The following ANK1 variants were observed in gnomAD, a reference collection of about 807,000 sequenced individuals.
ANK1 encodes ankyrin-1.
ANK1 carries 51 observed loss-of-function variants against 210.4 expected under a neutral mutation model. The observed-to-expected ratio is 0.24, with a 90% CI of 0.19 to 0.31. ANK1 has a LOEUF of 0.31. ANK1 is among the 10% of genes least tolerant of loss of function. The probability of loss-of-function intolerance (pLI) is 1.00; values close to 1 mark genes in which losing one functional copy is unlikely to be tolerated. For missense variants in ANK1, 2,051 were observed against 2,504.4 expected (o/e 0.82, Z 3.86); for synonymous variants, 967 against 1,025.9 (o/e 0.94, Z 1.10).
intron 5 of ANK1, among the ~76,000 whole-genome samples, chr8:41,727,030 G>A (rs1382541729): frequency 6.6e-6 from 1 of 152,202 alleles, no homozygotes; most frequent in Non-Finnish European, 1.5e-5. Flanking sequence ...CAAGTGTGAC[G>A]TCGTTTCTTT....
rs761484945 is a variant in ANK1 at position 41,715,809 on chromosome 8, T to G, written c.1445A>C (p.His482Pro). The change falls in exon 14 of 43, where the codon CAC (histidine) becomes CCC (proline). Residue 482 changes from histidine to proline, a missense_variant. By Grantham distance (77) the His-to-Pro change is moderately conservative. Around this residue, in one of 6 missense-constraint regions of ANK1, gnomAD observed 1,413 missense variants for 1,707.4 expected, o/e 0.83. Coordinates refer to ENST00000289734, the MANE Select transcript of ANK1 (RefSeq NM_000037.4). ...TPLHCAARIG[H>P]TNMVKLLLEN... ...CAGCAGGAGCTTCACCATGTTTGTG[T>G]GGCCGATGCGAGCTGCACAGTGAAG... 2 of 1,614,198 alleles carry G rather than the reference T, an allele frequency of 1.2e-6. No homozygotes were observed. Among genetic ancestry groups the G allele is most frequent in the Admixed American group, 3.3e-5 (2 of 60,028 alleles).
intron 5 of ANK1, among the ~76,000 whole-genome samples, chr8:41,727,018 C>A (rs775086569): frequency 2.0e-5 from 3 of 152,246 alleles, no homozygotes; most frequent in Non-Finnish European, 2.9e-5. Context: ...GAAGGACACC[C>A]TCAAGTGTGA....
intron 17 of ANK1, 136 bp downstream of exon 17, chr8:41,708,642 A>C (rs1284637663): frequency 1.0e-6 from 1 of 978,232 alleles, no homozygotes; most frequent in African/African-American, 1.6e-5. Context: ...TGAAGGTGAA[A>C]TGTACGCAGG....
At chr8:41,692,119 C>A (rs57095696) in intron 31 of ANK1, among the ~76,000 whole-genome samples, 1 of 151,512 alleles carries the variant, frequency 6.6e-6, no homozygotes, top group Non-Finnish European at 1.5e-5. Flanking sequence ...GGCAACAGTG[C>A]GATCTCGGCT....
chr8:41,815,552 C>T (rs1803186361), intron 1 of ANK1, among the ~76,000 whole-genome samples: 2 of 152,040 alleles, frequency 1.3e-5, no homozygotes, highest in African/African-American at 4.8e-5. Context: ...TTGAAACAAC[C>T]TTTTGATAAC....
At chr8:41,851,058 CA>C (rs1428650425) in intron 1 of ANK1, among the ~76,000 whole-genome samples, 6 of 152,222 alleles carry the variant, frequency 3.9e-5, no homozygotes, top group Non-Finnish European at 7.3e-5. Context: ...TGTGTCTTTT[CA>C]ATCAAAACTT....
At chr8:41,769,924 C>T (rs1198371282) in intron 1 of ANK1, among the ~76,000 whole-genome samples, 1 of 149,724 alleles carries the variant, frequency 6.7e-6, no homozygotes, top group African/African-American at 2.5e-5. Flanking sequence ...TATTAAACAC[C>T]TTTTTCAGGT....
At chr8:41,889,675 G>A (rs1819066019) in intron 1 of ANK1, among the ~76,000 whole-genome samples, 1 of 152,198 alleles carries the variant, frequency 6.6e-6, no homozygotes, top group Admixed American at 6.5e-5. Context: ...TCCGCCAGAG[G>A]AATCCGGTCT....
intron 3 of ANK1, among the ~76,000 whole-genome samples, chr8:41,733,381 T>C (rs1456962027): frequency 1.3e-5 from 2 of 152,212 alleles, no homozygotes; most frequent in South Asian, 2.1e-4. Flanking sequence ...AGTAACAACA[T>C]GGTCACTAGT....
In ANK1 at chr8:41,672,924, G is replaced by T; in HGVS notation, c.4538-12C>A. 1.9e-6 allele frequency: 3 copies of T among 1,593,518 alleles called. No individual in the cohort carries two copies. In the South Asian group the frequency reaches 3.3e-5, roughly 18 times the overall value. ...CAGTGAGGAGTAACCTGGATGGGCAGACAGAGGGCAACATGCTCCAGCAGT... is the reference window on the plus strand; with the variant it reads ...CAGTGAGGAGTAACCTGGATGGGCATACAGAGGGCAACATGCTCCAGCAGT... On this transcript the variant is annotated splice_polypyrimidine_tract_variant and intron_variant, in intron 37 of 42. Coordinates refer to ENST00000289734, the MANE Select transcript of ANK1 (RefSeq NM_000037.4).
intron 1 of ANK1, among the ~76,000 whole-genome samples, chr8:41,769,169 A>T (rs73621184): frequency 0.027 from 4,130 of 152,204 alleles, 193 homozygotes; most frequent in African/African-American, 0.091. Flanking sequence ...GGGTTAAAAA[A>T]CTGGTATTTG....
At chr8:41,882,920 C>T (rs977806447) in intron 1 of ANK1, among the ~76,000 whole-genome samples, 7 of 152,228 alleles carry the variant, frequency 4.6e-5, no homozygotes, top group African/African-American at 1.7e-4. Flanking sequence ...TGAAAACAGA[C>T]ACCATTCTGC....
intron 1 of ANK1, among the ~76,000 whole-genome samples, chr8:41,854,309 C>T (rs539468899): frequency 3.9e-5 from 6 of 152,228 alleles, no homozygotes; most frequent in South Asian, 2.1e-4. Context: ...GCTGTGACTC[C>T]GAATCTAGAT....
intron 1 of ANK1, among the ~76,000 whole-genome samples, chr8:41,813,007 T>A (rs189630260): frequency 1.3e-5 from 2 of 152,256 alleles, no homozygotes; most frequent in Non-Finnish European, 2.9e-5. Context: ...ACTGAGTTGG[T>A]AGTTTGTCCA....
chr8:41,676,354 T>C (rs1156555446), intron 37 of ANK1, among the ~76,000 whole-genome samples: 2 of 152,248 alleles, frequency 1.3e-5, no homozygotes, highest in African/African-American at 4.8e-5. Context: ...TTGAGCATAT[T>C]TTCATGTGCT....
chr8:41,728,457 G>A (rs1040908764), intron 3 of ANK1, among the ~76,000 whole-genome samples: 36 of 152,176 alleles, frequency 2.4e-4, no homozygotes, highest in African/African-American at 8.7e-4. Flanking sequence ...CCTTTGGATG[G>A]GATGCCCACT....
At position 41,714,890 on chromosome 8, in the gene ANK1, G is replaced by A. The variant is rs537848864; in HGVS notation, c.1701+86C>T. On this transcript the variant is annotated intron_variant, in intron 15 of 42. Coordinates refer to ENST00000289734, the MANE Select transcript of ANK1 (RefSeq NM_000037.4). ...AAAAAAAGATGAACAACACAGGCAA[G>A]AGATGGAATCTGCAAGTGCTGATGT... 6.0e-4 allele frequency: 801 copies of A among 1,343,608 alleles called. 6 individuals are homozygous for A. Among genetic ancestry groups the A allele is most frequent in the Non-Finnish European group, 2.2e-5 (21 of 935,468 alleles). 83.2% of individuals were successfully genotyped at this position (1,343,608 alleles called of 1,614,324 possible). A position where few individuals can be genotyped will look rare whatever the true frequency, so the allele number is the denominator to read the frequency against.
intron 1 of ANK1, among the ~76,000 whole-genome samples, chr8:41,775,363 G>C (rs1843793519): frequency 2.0e-5 from 3 of 152,170 alleles, no homozygotes; most frequent in African/African-American, 7.2e-5. Flanking sequence ...CAAGATTCCA[G>C]AGGGGCTTGT....
chr8:41,850,563 C>T (rs1035574449), intron 1 of ANK1, among the ~76,000 whole-genome samples: 4 of 152,342 alleles, frequency 2.6e-5, no homozygotes, highest in African/African-American at 9.6e-5. Flanking sequence ...TCACTGCAAC[C>T]TCAGCCTCCT....
Sources: allele counts gnomAD v4.1 joint callset (sites outside exome capture counted in the v4.1 genomes callset), GRCh38; gene constraint gnomAD v4.1.1; regional missense constraint gnomAD v4.1.1; transcripts MANE v1.5; gene names NCBI Gene and HGNC (gene_info 2026-07-23, HGNC 2026-07-21).